Variants in NBAS observed in about 807,000 individuals in gnomAD.
NBAS encodes NBAS subunit of NRZ tethering complex, also known as NAG/BC035112 fusion.
NBAS carries 219 observed loss-of-function variants against 302.5 expected under a neutral mutation model. The observed-to-expected ratio is 0.72, with a 90% CI of 0.65 to 0.81. NBAS has a LOEUF of 0.81. Among genes scored for constraint, NBAS ranks in the 30% least tolerant of loss-of-function variants. The pLI, the probability that NBAS is intolerant of heterozygous loss-of-function variation, is 0.00. For synonymous variants in NBAS, 1,118 were observed against 1,021.6 expected, an observed-to-expected ratio of 1.09 and a Z score of -1.80; for missense variants, 2,932 against 2,841.6, an observed-to-expected ratio of 1.03 and a Z score of -0.72.
At chr2:15,178,873 A>G in intron 51 of NBAS, 115 bp downstream of exon 51, 1 of 1,424,970 alleles carries the variant, frequency 7.0e-7, no homozygotes. Context: ...AGAATACTAT[A>G]GATATAGTAG....
At chr2:14,831,807 G>A in the NBAS span, among the ~76,000 whole-genome samples, 1 of 152,100 alleles carries the variant, frequency 6.6e-6, no homozygotes, top group African/African-American at 2.4e-5. Context: ...TTATATCGTA[G>A]GGCTTAAAAG....
chr2:15,383,208 G>C lies in NBAS; in HGVS notation c.3360+7C>G, dbSNP rs1675126695. On this transcript the variant is annotated splice_region_variant and intron_variant, in intron 29 of 51. Coordinates refer to ENST00000281513, the MANE Select transcript of NBAS (RefSeq NM_015909.4). ...TAAAAAAAAATCGTATATGGTTCTA[G>C]AGTTACCTCATAGCAGGCATCAGAA... 1 of 1,608,606 alleles carries C rather than the reference G, an allele frequency of 6.2e-7. No homozygotes were observed.
chr2:14,948,127 A>G, the NBAS span, among the ~76,000 whole-genome samples: 9 of 152,086 alleles, frequency 5.9e-5, no homozygotes, highest in African/African-American at 2.2e-4. Flanking sequence ...ATCTATGATC[A>G]TCAGATGATG....
intron 40 of NBAS, among the ~76,000 whole-genome samples, chr2:15,299,124 GCT>G (rs568612028): frequency 4.1e-4 from 62 of 152,290 alleles, no homozygotes; most frequent in African/African-American, 1.5e-3. Context: ...CTTATGAAGA[GCT>G]CTCTGGGCAG....
chr2:15,235,219 C>T (rs750919402), intron 45 of NBAS, among the ~76,000 whole-genome samples: 1 of 152,034 alleles, frequency 6.6e-6, no homozygotes, highest in Non-Finnish European at 1.5e-5. Context: ...CTTGTAATAA[C>T]CCGGCAAGTA....
At chr2:15,028,546 C>T in the NBAS span, among the ~76,000 whole-genome samples, 1 of 152,104 alleles carries the variant, frequency 6.6e-6, no homozygotes, top group Non-Finnish European at 1.5e-5. Flanking sequence ...TTCATTGTAC[C>T]GGAATAAAAT....
chr2:15,228,502 G>A (rs1667239126), intron 47 of NBAS, among the ~76,000 whole-genome samples: 1 of 152,116 alleles, frequency 6.6e-6, no homozygotes, highest in Non-Finnish European at 1.5e-5. Flanking sequence ...CATCCAAAGG[G>A]AATAACATCA....
At chr2:15,361,218 A>G (rs996914977) in intron 32 of NBAS, among the ~76,000 whole-genome samples, 2 of 152,204 alleles carry the variant, frequency 1.3e-5, no homozygotes, top group Non-Finnish European at 1.5e-5. Flanking sequence ...ATTCTCAATT[A>G]AACAGGCACA....
At chr2:14,932,495 C>T in the NBAS span, among the ~76,000 whole-genome samples, 1 of 152,206 alleles carries the variant, frequency 6.6e-6, no homozygotes, top group African/African-American at 2.4e-5. Context: ...ATTCAAAGCC[C>T]AGGATTCAAA....
intron 21 of NBAS, among the ~76,000 whole-genome samples, chr2:15,439,877 C>A (rs1558339555): frequency 6.6e-6 from 1 of 152,238 alleles, no homozygotes; most frequent in Non-Finnish European, 1.5e-5. Flanking sequence ...CTCGGAGGGT[C>A]CTACGTCCAC....
intron 30 of NBAS, among the ~76,000 whole-genome samples, chr2:15,375,743 G>A (rs1356919814): frequency 6.6e-6 from 1 of 151,990 alleles, no homozygotes; most frequent in Non-Finnish European, 1.5e-5. Context: ...CATGCTCAAA[G>A]ACATATAATT....
intron 42 of NBAS, among the ~76,000 whole-genome samples, chr2:15,285,307 C>T (rs1401990703): frequency 6.6e-6 from 1 of 152,278 alleles, no homozygotes; most frequent in African/African-American, 2.4e-5. Flanking sequence ...AATACTCACT[C>T]CCTTTCTTTA....
the NBAS span, among the ~76,000 whole-genome samples, chr2:15,019,631 T>C: frequency 1.3e-5 from 2 of 152,182 alleles, no homozygotes; most frequent in Non-Finnish European, 2.9e-5. Context: ...AACTGAATTT[T>C]TGTGTTCCTC....
chr2:14,804,352 G>A, the NBAS span, among the ~76,000 whole-genome samples: 2 of 152,206 alleles, frequency 1.3e-5, no homozygotes, highest in Non-Finnish European at 2.9e-5. Context: ...GCTGTCTGGT[G>A]TTTTAAGCAC....
At chr2:15,303,458 T>C (rs1670897832) in intron 40 of NBAS, among the ~76,000 whole-genome samples, 1 of 152,218 alleles carries the variant, frequency 6.6e-6, no homozygotes, top group South Asian at 2.1e-4. Flanking sequence ...GAAAGAACTG[T>C]AGGAACACAG....
chr2:15,340,452 T>C (rs1455125241), intron 35 of NBAS, among the ~76,000 whole-genome samples: 1 of 151,926 alleles, frequency 6.6e-6, no homozygotes, highest in African/African-American at 2.4e-5. Context: ...ATGTGGTAGG[T>C]GGGGAGAGGA....
chr2:15,291,209 C>G (rs963226350), intron 41 of NBAS, among the ~76,000 whole-genome samples: 1 of 152,208 alleles, frequency 6.6e-6, no homozygotes, highest in Non-Finnish European at 1.5e-5. Flanking sequence ...AGATGTGAGG[C>G]TTTGGATGGA....
chr2:14,987,892 G>A, the NBAS span, among the ~76,000 whole-genome samples: 49 of 152,076 alleles, frequency 3.2e-4, no homozygotes, highest in African/African-American at 1.1e-3. Flanking sequence ...CATAGTTGAT[G>A]TCTTACCCCG....
intron 48 of NBAS, among the ~76,000 whole-genome samples, chr2:15,197,595 C>T (rs980520849): frequency 6.6e-6 from 1 of 152,138 alleles, no homozygotes; most frequent in African/African-American, 2.4e-5. Flanking sequence ...TTTATGTCTT[C>T]CAGTCCTACG....
Sources: allele counts gnomAD v4.1 joint callset (sites outside exome capture counted in the v4.1 genomes callset), GRCh38; gene constraint gnomAD v4.1.1; transcripts MANE v1.5; gene names NCBI Gene and HGNC (gene_info 2026-07-23, HGNC 2026-07-21).